FKRP: variants seen among roughly 807,000 people sequenced by gnomAD.
FKRP encodes ribitol 5-phosphate transferase FKRP.
FKRP carries 25 observed loss-of-function variants against 30.6 expected under a neutral mutation model. The observed-to-expected ratio is 0.82, with a 90% confidence interval of 0.60 to 1.14. The LOEUF is 1.14. Among genes scored for constraint, FKRP ranks in the 50% most tolerant of loss-of-function variants. The pLI, the probability that FKRP is intolerant of heterozygous loss-of-function variation, is 0.00. For synonymous variants in FKRP, 358 were observed against 342.5 expected (o/e 1.05, Z -0.50); for missense variants, 771 against 727.8 (o/e 1.06, Z -0.68).
In FKRP at chr19:46,755,610, C is replaced by G. The variant is rs28937905; in HGVS notation, c.160C>G (p.Arg54Gly). ...CGGCCCCCGTGTCACCGTCCTGGTG[C>G]GGGAGTTCGAGGCATTTGACAACGC... ...AAGPRVTVLVREFEAFDNAVP... is the reference protein window; with the variant it reads ...AAGPRVTVLVGEFEAFDNAVP... Residue 54 changes from arginine to glycine, a missense_variant, in exon 4 of 4, where the codon CGG becomes GGG. Arg to Gly is a moderately radical substitution (Grantham distance 125). Transcript: ENST00000318584. The G allele has an allele frequency of 6.2e-7, 1 of 1,605,046 alleles. No individual in the cohort carries two copies. The highest frequency in any genetic ancestry group is 2.2e-5 in the East Asian group (1 of 44,556).
intron 3 of FKRP, among the ~76,000 whole-genome samples, chr19:46,749,614 AC>A (rs2054745964): frequency 6.7e-6 from 1 of 150,034 alleles, no homozygotes; most frequent in Non-Finnish European, 1.5e-5. Flanking sequence ...AATCCCAGCT[AC>A]TCAGGAGGCG....
In FKRP at chr19:46,756,065, C is replaced by A; in HGVS notation, c.615C>A (p.Arg205=). The change falls in exon 4 of 4, where the codon CGC becomes CGA. Residue 205 remains arginine (R), a synonymous_variant. Coordinates refer to ENST00000318584, the MANE Select transcript of FKRP (RefSeq NM_024301.5). The surrounding 1 kb of genome is among the most constrained non-coding windows in gnomAD (Gnocchi z 6.6). ...DGDAVVLLRA[R]DLFNLSAPLA... is the part of the protein sequence containing the mutation. ...ATGCTGTGGTGCTCCTGCGCGCCCG[C>A]GACCTCTTCAACCTCTCGGCGCCCC... 1 of 1,572,472 alleles carries A rather than the reference C, an allele frequency of 6.4e-7. No homozygotes were observed. Among genetic ancestry groups the A allele is most frequent in the African/African-American group, 1.4e-5 (1 of 72,198 alleles).
intron 1 of FKRP, chr19:46,746,904 G>C (rs553555693): frequency 6.6e-6 from 1 of 152,370 alleles, no homozygotes; most frequent in South Asian, 2.1e-4. Flanking sequence ...GGGGCGAGGT[G>C]GTGGGGAGCA....
rs1410653063 is a variant in FKRP, at chr19:46,756,368, C to T, written c.918C>T (p.Ala306=). 1.3e-6 allele frequency: 2 copies of T among 1,561,888 alleles called. No individual in the cohort carries two copies. Among genetic ancestry groups the T allele is most frequent in the Non-Finnish European group, 1.7e-6 (2 of 1,155,336 alleles). Residue 306 remains alanine (A), a synonymous_variant, in exon 4 of 4, where the codon GCC becomes GCT. Coordinates refer to ENST00000318584, the MANE Select transcript of FKRP (RefSeq NM_024301.5). This position sits in a 1 kb window ranked among gnomAD's most constrained non-coding sequence, Gnocchi z 6.6. Reference sequence around the variant, plus strand: ...GAACCGTGGTGGGCGACACGCCCGCCTACCTCTACGAGGAGCGCTGGACGC... The same window carrying T: ...GAACCGTGGTGGGCGACACGCCCGCTTACCTCTACGAGGAGCGCTGGACGC... ...CFGTVVGDTP[A]YLYEERWTPP...
Position 46,755,432 on chromosome 19 carries a change from AGCCCCAGACTTCG to A in FKRP, c.-12_1del. 3 of 1,598,012 alleles carry A rather than the reference AGCCCCAGACTTCG, an allele frequency of 1.9e-6. No individual in the cohort carries two copies. The highest frequency in any genetic ancestry group is 2.5e-6 in the Non-Finnish European group (3 of 1,177,166). ...CCCAGGATGCCCCGGAGGCCCAGCT[AGCCCCAGACTTCG>A]GCCCCATGCGGCTCACCCGCTGCCA... is the stretch of plus-strand genomic sequence containing the variant. On this transcript the variant is annotated 5_prime_UTR_variant, in exon 4 of 4. Transcript: ENST00000318584.
intron 1 of FKRP, chr19:46,746,445 C>T (rs1363942357): frequency 3.4e-5 from 34 of 1,004,226 alleles, no homozygotes; most frequent in Non-Finnish European, 3.9e-5. Context: ...GCCCCGGGGC[C>T]GGCCTGCGCG....
chr19:46,755,722 T>G lies in FKRP; in HGVS notation c.272T>G (p.Leu91Arg). 1 of 1,576,164 alleles carries G rather than the reference T, an allele frequency of 6.3e-7. No homozygotes were observed. Among genetic ancestry groups the G allele is most frequent in the Non-Finnish European group, 8.6e-7 (1 of 1,168,568 alleles). ...VAADTLPYPP[L>R]ALPRIPNVRL... ...GCCGACACGCTCCCCTACCCGCCCCTGGCCCTGCCCCGCATCCCCAACGTG... is the reference window on the plus strand; with the variant it reads ...GCCGACACGCTCCCCTACCCGCCCCGGGCCCTGCCCCGCATCCCCAACGTG... Residue 91 changes from leucine (L) to arginine (R), a missense_variant, in exon 4 of 4, where the codon CTG becomes CGG. Transcript: ENST00000318584.
upstream of FKRP, chr19:46,746,046 G>A (rs1438422244): frequency 4.8e-5 from 50 of 1,042,088 alleles, no homozygotes; most frequent in Non-Finnish European, 5.8e-5. Context: ...CCCGCCGGCC[G>A]TCCCGGCGGC....
intron 3 of FKRP, among the ~76,000 whole-genome samples, chr19:46,754,910 CT>C (rs982831557): frequency 2.7e-5 from 4 of 150,898 alleles, no homozygotes; most frequent in Non-Finnish European, 4.4e-5. Flanking sequence ...CCAGCCTAAC[CT>C]TTTTTTTTCA....
upstream of FKRP, chr19:46,746,031 G>C (rs1374053392): frequency 8.8e-7 from 1 of 1,142,564 alleles, no homozygotes; most frequent in Non-Finnish European, 1.1e-6. Flanking sequence ...GTCCCCTCCC[G>C]CCCCCCCGCC....
Position 46,755,462 on chromosome 19 carries a change from C to T in FKRP, c.12C>T (p.Thr4=). Residue 4 remains threonine (T), a synonymous_variant, in exon 4 of 4, where the codon ACC becomes ACT. Coordinates refer to ENST00000318584, the MANE Select transcript of FKRP (RefSeq NM_024301.5). MRL[T]RCQAALAAAI... is the part of the protein sequence containing the mutation. ...CAGACTTCGGCCCCATGCGGCTCAC[C>T]CGCTGCCAGGCTGCCCTGGCGGCCG... 1 of 1,607,128 alleles carries T rather than the reference C, an allele frequency of 6.2e-7. No homozygotes were observed. Among genetic ancestry groups the T allele is most frequent in the East Asian group, 2.2e-5 (1 of 44,800 alleles).
chr19:46,746,191 T>C, intron 1 of FKRP, 101 bp downstream of exon 1: 1 of 1,539,156 alleles, frequency 6.5e-7, no homozygotes, highest in Non-Finnish European at 8.7e-7. Flanking sequence ...CTTTCTCGGC[T>C]TCGAAGCGCG....
chr19:46,756,392 G>GC lies in FKRP; in HGVS notation c.948dup (p.Cys317LeufsTer73). On this transcript the variant is annotated frameshift_variant, in exon 4 of 4. Coordinates refer to ENST00000318584, the MANE Select transcript of FKRP (RefSeq NM_024301.5). LOFTEE classifies it high-confidence loss of function. The surrounding 1 kb of genome is among the most constrained non-coding windows in gnomAD (Gnocchi z 6.6). The stretch of plus-strand genomic sequence containing the variant: ...CCTACCTCTACGAGGAGCGCTGGAC[G>GC]CCCCCCTGCTGCCTGCGCGCGCTGC... 1.3e-6 allele frequency: 2 copies of GC among 1,567,114 alleles called. No individual in the cohort carries two copies. The highest frequency in any genetic ancestry group is 1.9e-5 in the Admixed American group (1 of 52,472).
At chr19:46,745,211 T>C (rs1485414431), upstream of FKRP, among the ~76,000 whole-genome samples, 1 of 152,044 alleles carries the variant, frequency 6.6e-6, no homozygotes, top group African/African-American at 2.4e-5. Flanking sequence ...TTCAGGGCTC[T>C]CTACCTACAT....
chr19:46,755,748 C>G lies in FKRP; in HGVS notation c.298C>G (p.Arg100Gly), dbSNP rs1244445645. The change falls in exon 4 of 4, where the codon CGT becomes GGT. Residue 100 changes from arginine (R) to glycine (G), a missense_variant. Coordinates refer to ENST00000318584, the MANE Select transcript of FKRP (RefSeq NM_024301.5). Reference protein sequence around the residue: ...PLALPRIPNVRLALLQPALDR... With the variant: ...PLALPRIPNVGLALLQPALDR... ...GGCCCTGCCCCGCATCCCCAACGTGCGTCTGGCGCTGCTCCAGCCCGCCCT... is the reference window on the plus strand; with the variant it reads ...GGCCCTGCCCCGCATCCCCAACGTGGGTCTGGCGCTGCTCCAGCCCGCCCT... 6.4e-7 allele frequency: 1 copy of G among 1,553,454 alleles called. No homozygotes were observed. Among genetic ancestry groups the G allele is most frequent in the Non-Finnish European group, 8.6e-7 (1 of 1,156,284 alleles).
At chr19:46,746,002 G>T, upstream of FKRP, 3 of 1,038,130 alleles carry the variant, frequency 2.9e-6, no homozygotes, top group Non-Finnish European at 3.8e-6. Flanking sequence ...CCCCTCACTC[G>T]CCCTCCGGGA....
intron 3 of FKRP, among the ~76,000 whole-genome samples, chr19:46,752,679 A>G (rs1279068728): frequency 6.6e-6 from 1 of 151,634 alleles, no homozygotes; most frequent in Non-Finnish European, 1.5e-5. Context: ...TGGACAATAT[A>G]GTGGGAGCCA....
upstream of FKRP, among the ~76,000 whole-genome samples, chr19:46,745,409 C>T (rs1457111770): frequency 6.6e-6 from 1 of 152,174 alleles, no homozygotes; most frequent in Non-Finnish European, 1.5e-5. Flanking sequence ...CAAAGTTTCT[C>T]CTCAGAGGGG....
rs1380899496 is a variant in FKRP at position 46,756,091 on chromosome 19, T to G, written c.641T>G (p.Leu214Arg). The G allele has an allele frequency of 6.5e-7, 1 of 1,542,688 alleles. No individual in the cohort carries two copies. Among genetic ancestry groups the G allele is most frequent in the Admixed American group, 1.9e-5 (1 of 52,822 alleles). ...ARDLFNLSAPLARPVGTSLFL... is the reference protein window; with the variant it reads ...ARDLFNLSAPRARPVGTSLFL... ...GACCTCTTCAACCTCTCGGCGCCCC[T>G]GGCCCGGCCGGTGGGCACCAGCCTC... Residue 214 changes from leucine (L) to arginine (R), a missense_variant, in exon 4 of 4, where the codon CTG (leucine) becomes CGG (arginine). Coordinates refer to ENST00000318584, the MANE Select transcript of FKRP (RefSeq NM_024301.5). The surrounding 1 kb of genome is among the most constrained non-coding windows in gnomAD (Gnocchi z 6.6).
Sources: allele counts gnomAD v4.1 joint callset (sites outside exome capture counted in the v4.1 genomes callset), GRCh38; gene constraint gnomAD v4.1.1; non-coding constraint Gnocchi (gnomAD v3.1); transcripts MANE v1.5; gene names NCBI Gene and HGNC (gene_info 2026-07-23, HGNC 2026-07-21).